LRRC3B: variants seen among roughly 807,000 people sequenced by gnomAD.
The protein encoded by LRRC3B is leucine rich repeat containing 3B, also known as leucine-rich repeat-containing protein 3B.
In LRRC3B, 2 loss-of-function variants were observed where a neutral mutation model predicts 12.8. That is an observed-to-expected ratio of 0.16 (90% CI 0.06 to 0.49). The LOEUF is 0.49. Ranked by LOEUF, LRRC3B falls within the 20% of genes least tolerant of loss-of-function variation. The pLI is 0.96. For synonymous variants in LRRC3B, 132 were observed against 122.0 expected (o/e 1.08, Z -0.54); for missense variants, 189 against 319.4 (o/e 0.59, Z 3.11).
At chr3:26,649,640 T>C (rs1248356859) in intron 1 of LRRC3B, among the ~76,000 whole-genome samples, 2 of 152,302 alleles carry the variant, frequency 1.3e-5, no homozygotes, top group Non-Finnish European at 2.9e-5. Flanking sequence ...CACTGCTCCT[T>C]CTCCTTCTCC....
chr3:26,645,642 T>G lies in LRRC3B; in HGVS notation c.-161+22405T>G, dbSNP rs536519101. 4.6e-5 allele frequency among the ~76,000 whole-genome samples: 7 copies of G among 152,226 alleles called. No individual in the cohort carries two copies. The South Asian group carries it at 1.5e-3, about 32-fold the overall frequency. ...TATGCTTCCGGCATTGCTCTTAGGCTCTGGAGGTAAGAAAATTAAGATCCT... is the reference window on the plus strand; with the variant it reads ...TATGCTTCCGGCATTGCTCTTAGGCGCTGGAGGTAAGAAAATTAAGATCCT... On this transcript the variant is annotated intron_variant, in intron 1 of 1. Transcript: ENST00000396641.
intron 1 of LRRC3B, among the ~76,000 whole-genome samples, chr3:26,677,945 A>C (rs1699894990): frequency 1.3e-5 from 2 of 151,970 alleles, no homozygotes; most frequent in Admixed American, 6.6e-5. Flanking sequence ...GACTACAGGC[A>C]TGTGCCAACA....
At chr3:26,684,155 G>A (rs1700026859) in intron 1 of LRRC3B, among the ~76,000 whole-genome samples, 1 of 152,190 alleles carries the variant, frequency 6.6e-6, no homozygotes, top group Non-Finnish European at 1.5e-5. Flanking sequence ...TAAAAACAAA[G>A]TTGGGAAAGT....
At chr3:26,671,373 T>TATAGAGAG (rs1261897533) in intron 1 of LRRC3B, among the ~76,000 whole-genome samples, 68 of 28,248 alleles carry the variant, frequency 2.4e-3, no homozygotes, top group Middle Eastern at 0.056. Flanking sequence ...TATATATATA[T>TATAGAGAG]AGAGAGAGAG....
chr3:26,639,678 T>C (rs1698980829), intron 1 of LRRC3B, among the ~76,000 whole-genome samples: 1 of 152,084 alleles, frequency 6.6e-6, no homozygotes, highest in Non-Finnish European at 1.5e-5. Context: ...GAAGAAACAA[T>C]TGGAGAGGAA....
intron 1 of LRRC3B, among the ~76,000 whole-genome samples, chr3:26,658,698 C>T (rs1699429081): frequency 6.6e-6 from 1 of 152,204 alleles, no homozygotes; most frequent in South Asian, 2.1e-4. Flanking sequence ...AAATTGCAAT[C>T]AGGGGAAAGT....
chr3:26,682,722 G>A (rs777793312), intron 1 of LRRC3B, among the ~76,000 whole-genome samples: 2 of 152,110 alleles, frequency 1.3e-5, no homozygotes. Flanking sequence ...CCCCTCTCAG[G>A]GTTCTCACAT....
At chr3:26,687,477 T>C (rs1700111119) in intron 1 of LRRC3B, among the ~76,000 whole-genome samples, 1 of 152,216 alleles carries the variant, frequency 6.6e-6, no homozygotes, top group Non-Finnish European at 1.5e-5. Context: ...AAATTTGGGC[T>C]TCTCTGTGTG....
chr3:26,680,828 G>C (rs527931210), intron 1 of LRRC3B, among the ~76,000 whole-genome samples: 69 of 152,190 alleles, frequency 4.5e-4, no homozygotes, highest in African/African-American at 1.6e-3. Flanking sequence ...GATTTATTTT[G>C]GCATATCCTA....
chr3:26,686,360 T>G (rs1180687716), intron 1 of LRRC3B, among the ~76,000 whole-genome samples: 4 of 152,188 alleles, frequency 2.6e-5, no homozygotes, highest in Non-Finnish European at 4.4e-5. Context: ...ATTACAGGCG[T>G]GAGCCACCGC....
intron 1 of LRRC3B, among the ~76,000 whole-genome samples, chr3:26,666,967 C>A (rs183677141): frequency 6.6e-6 from 1 of 152,002 alleles, no homozygotes; most frequent in Non-Finnish European, 1.5e-5. Flanking sequence ...CTAAAAAGAG[C>A]GGTATTACTA....
Position 26,673,620 on chromosome 3 carries a change from T to C in LRRC3B, c.-160-35893T>C, listed in dbSNP as rs370071860. Among the ~76,000 whole-genome samples, 9 of 152,224 alleles carry C rather than the reference T, an allele frequency of 5.9e-5. No individual in the cohort carries two copies. The East Asian group carries it at 7.7e-4, about 13-fold the overall frequency. The stretch of plus-strand genomic sequence containing the variant: ...TTCCAGTGGTTACAGTAGCCTGACA[T>C]AGCATGAAGTGGAAGCAGTGCCCTC... On this transcript the variant is annotated intron_variant, in intron 1 of 1. Coordinates refer to ENST00000396641, the Ensembl canonical transcript of LRRC3B.
chr3:26,709,234 A>T (rs973788098), intron 1 of LRRC3B, among the ~76,000 whole-genome samples: 2 of 152,230 alleles, frequency 1.3e-5, no homozygotes, highest in Non-Finnish European at 2.9e-5. Context: ...TGTGGAGAGC[A>T]GCAGAGAAAT....
At chr3:26,679,757 A>G (rs1450088936) in intron 1 of LRRC3B, among the ~76,000 whole-genome samples, 1 of 152,230 alleles carries the variant, frequency 6.6e-6, no homozygotes, top group African/African-American at 2.4e-5. Context: ...TTATGAGGGC[A>G]GAAACCTTGT....
At chr3:26,702,117 A>T (rs894211434) in intron 1 of LRRC3B, among the ~76,000 whole-genome samples, 1 of 152,210 alleles carries the variant, frequency 6.6e-6, no homozygotes, top group South Asian at 2.1e-4. Context: ...TGGGTAAAAC[A>T]GTGACCCTGC....
chr3:26,672,199 A>ATAT (rs547998644), intron 1 of LRRC3B, among the ~76,000 whole-genome samples: 3 of 152,284 alleles, frequency 2.0e-5, no homozygotes, highest in Admixed American at 2.0e-4. Flanking sequence ...AAAGCAGAAG[A>ATAT]TATTAAGAAA....
At chr3:26,647,463 A>T (rs1188819100) in intron 1 of LRRC3B, among the ~76,000 whole-genome samples, 1 of 152,202 alleles carries the variant, frequency 6.6e-6, no homozygotes, top group Non-Finnish European at 1.5e-5. Context: ...GAAGCAGAAC[A>T]GCCTTGAAGG....
At chr3:26,686,253 G>T (rs934822597) in intron 1 of LRRC3B, among the ~76,000 whole-genome samples, 1 of 151,926 alleles carries the variant, frequency 6.6e-6, no homozygotes, top group African/African-American at 2.4e-5. Context: ...CTAATTTTTT[G>T]TATTTTTAGT....
At chr3:26,627,549 G>C (rs980284486) in intron 1 of LRRC3B, among the ~76,000 whole-genome samples, 1 of 152,050 alleles carries the variant, frequency 6.6e-6, no homozygotes, top group Non-Finnish European at 1.5e-5. Context: ...ATGGAGGTGA[G>C]GCTTGGCTGC....
Sources: gnomAD v4.1 joint callset for allele counts (sites outside exome capture counted in the v4.1 genomes callset) on GRCh38, gnomAD v4.1.1 for gene constraint, MANE v1.5 for transcripts, NCBI Gene and HGNC (gene_info 2026-07-23, HGNC 2026-07-21) for gene names.